Variants in ANO2 observed in about 807,000 individuals in gnomAD.
The protein encoded by ANO2 is anoctamin-2.
Under a neutral mutation model 124.2 loss-of-function variants are expected in ANO2, and 101 were observed. That is an observed-to-expected ratio of 0.81 (90% CI 0.69 to 0.96). The LOEUF is 0.96. Ranked by LOEUF, ANO2 falls within the 40% of genes least tolerant of loss-of-function variation. The pLI, the probability that ANO2 is intolerant of heterozygous loss-of-function variation, is 0.00. For synonymous variants in ANO2, 486 were observed against 482.5 expected (o/e 1.01, Z -0.09); for missense variants, 1,293 against 1,274.5 (o/e 1.01, Z -0.22).
At chr12:5,661,488 G>A (rs868697429) in intron 14 of ANO2, among the ~76,000 whole-genome samples, 1 of 152,082 alleles carries the variant, frequency 6.6e-6, no homozygotes, top group African/African-American at 2.4e-5. Flanking sequence ...GCTCTAAGGG[G>A]TGCCTATAGC....
intron 3 of ANO2, among the ~76,000 whole-genome samples, chr12:5,916,672 A>G (rs888329864): frequency 6.6e-6 from 1 of 151,460 alleles, no homozygotes; most frequent in Admixed American, 6.6e-5. Flanking sequence ...CAATCTTCCA[A>G]TTTTTCTGTA....
chr12:5,682,631 C>T (rs1031307402), intron 14 of ANO2, among the ~76,000 whole-genome samples: 2 of 152,170 alleles, frequency 1.3e-5, no homozygotes, highest in African/African-American at 4.8e-5. Context: ...AGAAATACCA[C>T]GTTAGGCATT....
chr12:5,801,790 C>A (rs1953048887), intron 9 of ANO2, among the ~76,000 whole-genome samples: 1 of 152,230 alleles, frequency 6.6e-6, no homozygotes, highest in Non-Finnish European at 1.5e-5. Flanking sequence ...TGCTCCTGCT[C>A]ACTCCAGGGC....
At chr12:5,631,134 C>T (rs1012144013) in intron 16 of ANO2, among the ~76,000 whole-genome samples, 1 of 152,160 alleles carries the variant, frequency 6.6e-6, no homozygotes, top group Non-Finnish European at 1.5e-5. Flanking sequence ...TTTATTACCC[C>T]AGCAGAGCCT....
intron 4 of ANO2, among the ~76,000 whole-genome samples, chr12:5,840,095 T>C (rs553834767): frequency 1.4e-4 from 22 of 152,262 alleles, no homozygotes; most frequent in Non-Finnish European, 2.5e-4. Flanking sequence ...ATTATTACTG[T>C]CATTCTTGGA....
rs1955513894 is a variant in ANO2, at chr12:5,869,443, C to T, written c.535-15302G>A. The stretch of plus-strand genomic sequence containing the variant: ...TCCTGCATCCAACTCAAAGCAAAGC[C>T]CAGGGTAAATCTTCAATAAAAATGA... On this transcript the variant is annotated intron_variant, in intron 3 of 24. Coordinates refer to ENST00000682330, the MANE Select transcript of ANO2 (RefSeq NM_001364791.2). 2.0e-5 allele frequency among the ~76,000 whole-genome samples: 3 copies of T among 152,234 alleles called. No individual in the cohort carries two copies. The East Asian group carries it at 5.8e-4, about 29-fold the overall frequency.
chr12:5,563,334 T>G lies in ANO2; in HGVS notation c.2962A>C (p.Met988Leu). ...APSGQSQLGSMMSSGSQHTNV is the reference protein window; with the variant it reads ...APSGQSQLGSLMSSGSQHTNV ...GTGTGCTGAGAGCCTGACGACATCA[T>G]GCTGCCCAGCTGGCTTTGGCCTGAA... Residue 988 changes from methionine (M) to leucine (L), a missense_variant, in exon 25 of 25, where the codon ATG (methionine) becomes CTG (leucine). Coordinates refer to ENST00000682330, the MANE Select transcript of ANO2 (RefSeq NM_001364791.2). 1 of 1,603,856 alleles carries G rather than the reference T, an allele frequency of 6.2e-7. No homozygotes were observed. The highest frequency in any genetic ancestry group is 8.5e-7 in the Non-Finnish European group (1 of 1,176,982).
chr12:5,757,252 C>G (rs1260048616), intron 10 of ANO2, among the ~76,000 whole-genome samples: 1 of 152,148 alleles, frequency 6.6e-6, no homozygotes, highest in East Asian at 1.9e-4. Flanking sequence ...TTCTTTATTT[C>G]TATCTTTCTG....
At chr12:5,799,657 A>T (rs1169192985) in intron 9 of ANO2, 86 bp from the exon 10 acceptor site, 1 of 1,209,282 alleles carries the variant, frequency 8.3e-7, no homozygotes, top group African/African-American at 1.5e-5. Flanking sequence ...TCAGATTTTT[A>T]TCCCCAAAGT....
intron 20 of ANO2, among the ~76,000 whole-genome samples, chr12:5,589,138 G>GC (rs1943268165): frequency 6.6e-6 from 1 of 152,194 alleles, no homozygotes; most frequent in Admixed American, 6.5e-5. Context: ...AGAAACTATT[G>GC]CCCCCAATGA....
intron 20 of ANO2, among the ~76,000 whole-genome samples, chr12:5,593,619 T>C (rs1208747022): frequency 3.3e-5 from 5 of 152,218 alleles, no homozygotes; most frequent in Non-Finnish European, 4.4e-5. Flanking sequence ...AAAAACTTTC[T>C]AGATTTGAGA....
chr12:5,928,612 G>A (rs1362195395), intron 1 of ANO2, among the ~76,000 whole-genome samples: 19 of 146,246 alleles, frequency 1.3e-4, no homozygotes, highest in Admixed American at 1.1e-3. Context: ...TTCCTTACTC[G>A]TCTACCTTCT....
chr12:5,610,275 A>C (rs1248677591), intron 19 of ANO2, among the ~76,000 whole-genome samples: 2 of 118,514 alleles, frequency 1.7e-5, no homozygotes, highest in African/African-American at 6.8e-5. Flanking sequence ...ATATAAATGC[A>C]TATATTTATA....
chr12:5,588,008 G>A (rs890043307), intron 20 of ANO2, among the ~76,000 whole-genome samples: 1 of 152,346 alleles, frequency 6.6e-6, no homozygotes, highest in Admixed American at 6.5e-5. Context: ...TGGGCTCAGC[G>A]CACTTCCTGT....
At chr12:5,593,181 CTG>C (rs1406870674) in intron 20 of ANO2, among the ~76,000 whole-genome samples, 1 of 152,220 alleles carries the variant, frequency 6.6e-6, no homozygotes, top group African/African-American at 2.4e-5. Context: ...GCTCTCATGA[CTG>C]TGTGAATGAA....
chr12:5,660,416 T>C (rs1396309512), intron 14 of ANO2, among the ~76,000 whole-genome samples: 7 of 74,328 alleles, frequency 9.4e-5, no homozygotes, highest in Admixed American at 8.2e-4. Flanking sequence ...ACTGGCTTCC[T>C]TCCTGTTCTT....
At chr12:5,711,843 C>A (rs567634449) in intron 14 of ANO2, among the ~76,000 whole-genome samples, 1 of 152,146 alleles carries the variant, frequency 6.6e-6, no homozygotes, top group Non-Finnish European at 1.5e-5. Context: ...TTGGATATTC[C>A]TTGAAATCAA....
At chr12:5,841,663 G>C (rs1332877779) in intron 4 of ANO2, among the ~76,000 whole-genome samples, 1 of 152,082 alleles carries the variant, frequency 6.6e-6, no homozygotes, top group Non-Finnish European at 1.5e-5. Context: ...TTCTTACCTT[G>C]GGGCCTGTGG....
intron 14 of ANO2, among the ~76,000 whole-genome samples, chr12:5,695,159 T>G (rs561463939): frequency 6.6e-6 from 1 of 152,142 alleles, no homozygotes; most frequent in Admixed American, 6.5e-5. Flanking sequence ...TGGTCCTCAT[T>G]AAATTTTTGT....
Sources: allele counts gnomAD v4.1 joint callset (sites outside exome capture counted in the v4.1 genomes callset), GRCh38; gene constraint gnomAD v4.1.1; transcripts MANE v1.5; gene names NCBI Gene and HGNC (gene_info 2026-07-23, HGNC 2026-07-21).